GNG11: variants seen among roughly 807,000 people sequenced by gnomAD.
GNG11 encodes the protein G protein subunit gamma 11, also known as guanine nucleotide-binding protein G(I)/G(S)/G(O) subunit gamma-11.
GNG11 carries 6 observed loss-of-function variants against 7.4 expected under a neutral mutation model. The ratio of observed to expected loss-of-function variants is 0.81; its 90% CI spans 0.44 to 1.60. GNG11 has a LOEUF of 1.60. Among genes scored for constraint, GNG11 ranks in the 40% most tolerant of loss-of-function variants. The probability of loss-of-function intolerance (pLI) is 0.01; values close to 1 mark genes in which losing one functional copy is unlikely to be tolerated. For missense variants in GNG11, 65 were observed against 83.0 expected (o/e 0.78, Z 0.84); for synonymous variants, 31 against 25.9 (o/e 1.20, Z -0.60).
rs1166104113 is a variant in GNG11, at chr7:93,927,820, G to C, written c.*1604G>C. The C allele has an allele frequency of 6.6e-6, 1 of 152,088 alleles. No homozygotes were observed. Among genetic ancestry groups the C allele is most frequent in the Admixed American group, 6.5e-5 (1 of 15,276 alleles). 9.4% of individuals were successfully genotyped at this position (152,088 alleles called of 1,614,324 possible). A position where few individuals can be genotyped will look rare whatever the true frequency, so the allele number is the denominator to read the frequency against. ...ATCAATTGGCATTACTGAGAGCCCA[G>C]GGATAATTTTAGCCCAAAACTACTA... On this transcript the variant is annotated 3_prime_UTR_variant, in exon 2 of 2. Coordinates refer to ENST00000248564, the MANE Select transcript of GNG11 (RefSeq NM_004126.4).
chr7:93,922,515 A>G (rs2115927635), intron 1 of GNG11, among the ~76,000 whole-genome samples: 1 of 152,336 alleles, frequency 6.6e-6, no homozygotes, highest in Middle Eastern at 3.4e-3. Flanking sequence ...GCTTTCCATT[A>G]GACAGCTGTT....
intron 1 of GNG11, among the ~76,000 whole-genome samples, chr7:93,925,015 T>C: frequency 6.6e-6 from 1 of 151,906 alleles, no homozygotes. Context: ...ATACAAAAAA[T>C]TAGCCAGGCG....
Position 93,922,001 on chromosome 7 carries a change from C to A in GNG11, c.-137C>A. On this transcript the variant is annotated 5_prime_UTR_variant, in exon 1 of 2. Coordinates refer to ENST00000248564, the MANE Select transcript of GNG11 (RefSeq NM_004126.4). ...GCCAAGCCCTCGGGGAGCTGGGGAC[C>A]GCAGCAGGGCTGCAGTCACATCCTG... The A allele has an allele frequency of 4.0e-6, 2 of 504,348 alleles. No individual in the cohort carries two copies. The highest frequency in any genetic ancestry group is 7.2e-6 in the Non-Finnish European group (2 of 277,368). The allele number at this position is 504,348 out of a possible 1,614,324, so 31.2% of individuals were successfully genotyped here. A position where few individuals can be genotyped will look rare whatever the true frequency, so the allele number is the denominator to read the frequency against.
At chr7:93,924,204 C>T (rs896389073) in intron 1 of GNG11, among the ~76,000 whole-genome samples, 1 of 152,186 alleles carries the variant, frequency 6.6e-6, no homozygotes, top group African/African-American at 2.4e-5. Context: ...ACAAAACTTG[C>T]AAGTTGCATT....
Position 93,927,184 on chromosome 7 carries a change from G to A in GNG11, c.*968G>A, listed in dbSNP as rs1330153164. ...TTGGTCTTTTTCTTACTGATTTGTAGGAATTCTTCATATATTCTGGCCATT... is the reference window on the plus strand; with the variant it reads ...TTGGTCTTTTTCTTACTGATTTGTAAGAATTCTTCATATATTCTGGCCATT... On this transcript the variant is annotated 3_prime_UTR_variant, in exon 2 of 2. Coordinates refer to ENST00000248564, the MANE Select transcript of GNG11 (RefSeq NM_004126.4). The A allele has an allele frequency of 1.3e-5, 2 of 152,132 alleles. No homozygotes were observed. Among genetic ancestry groups the A allele is most frequent in the East Asian group, 3.8e-4 (2 of 5,198 alleles). 9.4% of individuals were successfully genotyped at this position (152,132 alleles called of 1,614,324 possible).
At chr7:93,922,545 G>GA (rs1452636402) in intron 1 of GNG11, among the ~76,000 whole-genome samples, 1 of 152,058 alleles carries the variant, frequency 6.6e-6, no homozygotes, top group Non-Finnish European at 1.5e-5. Context: ...TCACTTGTAG[G>GA]AAAAAAGCGG....
In GNG11 at chr7:93,928,397, T is replaced by C. The variant is rs1215007906; in HGVS notation, c.*2181T>C. 6.6e-6 allele frequency: 1 copy of C among 152,196 alleles called. No homozygotes were observed. The highest frequency in any genetic ancestry group is 2.4e-5 in the African/African-American group (1 of 41,458). 9.4% of individuals were successfully genotyped at this position (152,196 alleles called of 1,614,324 possible). A position where few individuals can be genotyped will look rare whatever the true frequency, so the allele number is the denominator to read the frequency against. On this transcript the variant is annotated 3_prime_UTR_variant, in exon 2 of 2. Transcript: ENST00000248564. The stretch of plus-strand genomic sequence containing the variant: ...ACCCAGCCAACATGTAGAAGTGCAA[T>C]AAAAATATTTTAATTTTCAACTGTT...
intron 1 of GNG11, among the ~76,000 whole-genome samples, chr7:93,924,189 C>T (rs935115887): frequency 6.6e-6 from 1 of 152,146 alleles, no homozygotes; most frequent in African/African-American, 2.4e-5. Context: ...TTAACTTAGG[C>T]CCAGACAAAA....
At position 93,927,141 on chromosome 7, in the gene GNG11, GC is replaced by G. The variant is rs1794689178; in HGVS notation, c.*928del. ...CCTCCAAAGGAACCAGTGAATCTTT[GC>G]CCACTTTAAAGATTAGTTGGTCTTT... On this transcript the variant is annotated 3_prime_UTR_variant, in exon 2 of 2. Transcript: ENST00000248564. 6.6e-6 allele frequency: 1 copy of G among 152,134 alleles called. No homozygotes were observed. Among genetic ancestry groups the G allele is most frequent in the Admixed American group, 6.5e-5 (1 of 15,286 alleles). The allele number at this position is 152,134 out of a possible 1,614,324, so 9.4% of individuals were successfully genotyped here.
intron 1 of GNG11, among the ~76,000 whole-genome samples, chr7:93,925,125 C>G (rs1382366396): frequency 1.3e-5 from 2 of 152,152 alleles, no homozygotes; most frequent in African/African-American, 2.4e-5. Context: ...GATCCTGCCA[C>G]TGCACTCCAG....
chr7:93,922,860 A>C (rs908389634), intron 1 of GNG11, among the ~76,000 whole-genome samples: 1 of 152,178 alleles, frequency 6.6e-6, no homozygotes, highest in Non-Finnish European at 1.5e-5. Context: ...GCATATGAAA[A>C]ATTTTTTTAG....
At chr7:93,925,555 GCTT>G (rs1794666093) in intron 1 of GNG11, among the ~76,000 whole-genome samples, 1 of 152,136 alleles carries the variant, frequency 6.6e-6, no homozygotes, top group Non-Finnish European at 1.5e-5. Flanking sequence ...TTTTTCCAAA[GCTT>G]CTATCATTTC....
In GNG11 at chr7:93,928,289, G is replaced by A. The variant is rs1327371975; in HGVS notation, c.*2073G>A. On this transcript the variant is annotated 3_prime_UTR_variant, in exon 2 of 2. Coordinates refer to ENST00000248564, the MANE Select transcript of GNG11 (RefSeq NM_004126.4). Reference sequence around the variant, plus strand: ...TGATCAATCAGTTGGACGACTTCTGGTTTTTCCTGAATAAATATCTAATCT... The same window carrying A: ...TGATCAATCAGTTGGACGACTTCTGATTTTTCCTGAATAAATATCTAATCT... 6.6e-6 allele frequency: 1 copy of A among 152,030 alleles called. No homozygotes were observed. Among genetic ancestry groups the A allele is most frequent in the Non-Finnish European group, 1.5e-5 (1 of 68,004 alleles). 9.4% of individuals were successfully genotyped at this position (152,030 alleles called of 1,614,324 possible).
At position 93,921,807 on chromosome 7, in the gene GNG11, C is replaced by T; in HGVS notation, c.-331C>T. ...TGAGTCAGGGCCTGTCCGTGGCCAGCATCCCTGCTGGGCGATTGAGCAGCG... is the reference window on the plus strand; with the variant it reads ...TGAGTCAGGGCCTGTCCGTGGCCAGTATCCCTGCTGGGCGATTGAGCAGCG... On this transcript the variant is annotated 5_prime_UTR_variant, in exon 1 of 2. Coordinates refer to ENST00000248564, the MANE Select transcript of GNG11 (RefSeq NM_004126.4). The T allele has an allele frequency of 5.3e-6, 1 of 188,856 alleles. No individual in the cohort carries two copies. The highest frequency in any genetic ancestry group is 1.2e-4 in the East Asian group (1 of 8,142). The allele number at this position is 188,856 out of a possible 1,614,324, so 11.7% of individuals were successfully genotyped here.
intron 1 of GNG11, among the ~76,000 whole-genome samples, chr7:93,924,997 T>C (rs1418131312): frequency 6.6e-6 from 1 of 152,062 alleles, no homozygotes; most frequent in African/African-American, 2.4e-5. Context: ...ACCCCGTCTC[T>C]ACTAAAAATA....
Position 93,921,845 on chromosome 7 carries a change from G to A in GNG11, c.-293G>A, listed in dbSNP as rs73428149. ...CGATTGAGCAGCGGGAAGCTGCTTG[G>A]ACCCAGTCTCAAACTTAACCCTCAT... On this transcript the variant is annotated 5_prime_UTR_variant, in exon 1 of 2. Transcript: ENST00000248564. The A allele has an allele frequency of 0.016, 3,817 of 245,522 alleles. 141 individuals are homozygous for A. Among genetic ancestry groups the A allele is most frequent in the African/African-American group, 0.079 (3,558 of 44,950 alleles). 15.2% of individuals were successfully genotyped at this position (245,522 alleles called of 1,614,324 possible).
intron 1 of GNG11, among the ~76,000 whole-genome samples, chr7:93,923,876 A>G (rs181951812): frequency 8.7e-4 from 132 of 152,314 alleles, no homozygotes; most frequent in Non-Finnish European, 1.5e-3. Flanking sequence ...AACTTTGGAT[A>G]TATGTAACCT....
At chr7:93,923,026 A>G (rs1382468900) in intron 1 of GNG11, among the ~76,000 whole-genome samples, 1 of 152,216 alleles carries the variant, frequency 6.6e-6, no homozygotes, top group East Asian at 1.9e-4. Context: ...TCCTTCAGAC[A>G]CTAATCCCTC....
chr7:93,926,191 A>C lies in GNG11; in HGVS notation c.197A>C (p.Glu66Ala). The change falls in exon 2 of 2, where the codon GAA becomes GCA. Residue 66 changes from glutamate (E) to alanine (A), a missense_variant. Physicochemically the swap from Glu to Ala is moderately radical, Grantham distance 107. Coordinates refer to ENST00000248564, the MANE Select transcript of GNG11 (RefSeq NM_004126.4). ...GIPEDKNPFK[E>A]KGSCVIS is the part of the protein sequence containing the mutation. The stretch of plus-strand genomic sequence containing the variant: ...CCAGAAGACAAGAACCCCTTTAAAG[A>C]AAAAGGCAGCTGTGTTATTTCATAA... 1 of 1,589,454 alleles carries C rather than the reference A, an allele frequency of 6.3e-7. No individual in the cohort carries two copies. Among genetic ancestry groups the C allele is most frequent in the Non-Finnish European group, 8.6e-7 (1 of 1,168,458 alleles).
Sources: gnomAD v4.1 joint callset for allele counts (sites outside exome capture counted in the v4.1 genomes callset) on GRCh38, gnomAD v4.1.1 for gene constraint, MANE v1.5 for transcripts, NCBI Gene and HGNC (gene_info 2026-07-23, HGNC 2026-07-21) for gene names.